The following CTNNA2 variants were observed in gnomAD, a reference collection of about 807,000 sequenced individuals.
CTNNA2 encodes the protein catenin alpha 2.
In CTNNA2, 42 loss-of-function variants were observed where a neutral mutation model predicts 101.0. That is an observed-to-expected ratio of 0.42 (90% CI 0.32 to 0.54). The LOEUF (loss-of-function observed/expected upper bound fraction) is 0.54, where lower values mean the gene tolerates loss of function less well. Ranked by LOEUF, CTNNA2 falls within the 20% of genes least tolerant of loss-of-function variation. CTNNA2 has a pLI of 0.14. For missense variants in CTNNA2, 871 were observed against 1,223.1 expected (o/e 0.71, Z 4.29); for synonymous variants, 450 against 456.4 (o/e 0.99, Z 0.18).
chr2:79,522,877 T>G (rs896682920), intron 1 of CTNNA2, among the ~76,000 whole-genome samples: 1 of 152,176 alleles, frequency 6.6e-6, no homozygotes, highest in Non-Finnish European at 1.5e-5. Context: ...AAGAACATGT[T>G]TTGTCTTTTG....
At chr2:79,675,129 G>A (rs1683096359) in intron 2 of CTNNA2, among the ~76,000 whole-genome samples, 1 of 152,126 alleles carries the variant, frequency 6.6e-6, no homozygotes, top group Non-Finnish European at 1.5e-5. Context: ...GATATAAAAT[G>A]TGGGAATACC....
intron 12 of CTNNA2, among the ~76,000 whole-genome samples, chr2:80,566,631 C>A (rs1047712580): frequency 6.6e-5 from 10 of 152,028 alleles, no homozygotes; most frequent in African/African-American, 2.4e-4. Flanking sequence ...CAATATGAAG[C>A]CATACAGTAT....
intron 3 of CTNNA2, among the ~76,000 whole-genome samples, chr2:79,315,701 A>G (rs1171406002): frequency 6.6e-6 from 1 of 152,160 alleles, no homozygotes; most frequent in Non-Finnish European, 1.5e-5. Context: ...TACTATGGAT[A>G]GTGCTACTAT....
intron 7 of CTNNA2, among the ~76,000 whole-genome samples, chr2:80,252,183 G>T (rs1045517322): frequency 6.6e-6 from 1 of 152,064 alleles, no homozygotes; most frequent in African/African-American, 2.4e-5. Flanking sequence ...TGAAGGAAAA[G>T]GATGAAGTCT....
intron 4 of CTNNA2, among the ~76,000 whole-genome samples, chr2:79,436,416 C>A (rs1262541160): frequency 1.3e-5 from 2 of 152,112 alleles, no homozygotes; most frequent in Non-Finnish European, 2.9e-5. Flanking sequence ...GCTAAATGTG[C>A]TGGGTAGGCT....
chr2:80,638,188 G>T (rs35791990), intron 18 of CTNNA2, among the ~76,000 whole-genome samples: 37 of 152,140 alleles, frequency 2.4e-4, no homozygotes, highest in Non-Finnish European at 3.8e-4. Context: ...TTAGCTCCTT[G>T]CATAATTATT....
chr2:80,638,536 C>T (rs151259571), intron 18 of CTNNA2, among the ~76,000 whole-genome samples: 20 of 152,222 alleles, frequency 1.3e-4, no homozygotes, highest in African/African-American at 4.1e-4. Context: ...GGCCCTGTTC[C>T]GAACTTTCCA....
chr2:80,237,592 A>G (rs1709613903), intron 7 of CTNNA2, among the ~76,000 whole-genome samples: 2 of 152,126 alleles, frequency 1.3e-5, no homozygotes, highest in Non-Finnish European at 2.9e-5. Context: ...CCAGGCCTTC[A>G]CAGTGGAAGG....
intron 7 of CTNNA2, among the ~76,000 whole-genome samples, chr2:80,220,942 CACAA>C (rs1340744855): frequency 2.6e-5 from 4 of 152,148 alleles, no homozygotes; most frequent in Non-Finnish European, 5.9e-5. Flanking sequence ...ATTGCAGTGG[CACAA>C]TCTCGGCTCA....
At chr2:80,039,397 T>A (rs4852170) in intron 7 of CTNNA2, among the ~76,000 whole-genome samples, 68,973 of 152,076 alleles carry the variant, frequency 0.45, 17,557 homozygotes, top group East Asian at 0.87. Flanking sequence ...CACGGGCAGT[T>A]ACTACCATTT....
intron 7 of CTNNA2, among the ~76,000 whole-genome samples, chr2:80,014,919 G>A (rs932334156): frequency 6.6e-6 from 1 of 152,196 alleles, no homozygotes; most frequent in Non-Finnish European, 1.5e-5. Context: ...TGGGGAAGGA[G>A]TATAATACTT....
intron 2 of CTNNA2, among the ~76,000 whole-genome samples, chr2:79,265,275 G>T (rs562916317): frequency 2.0e-5 from 3 of 152,292 alleles, no homozygotes; most frequent in Middle Eastern, 3.4e-3. Context: ...GGTGACTCCG[G>T]TGATTAGTGA....
At chr2:79,191,406 T>G (rs975825531) in intron 1 of CTNNA2, among the ~76,000 whole-genome samples, 2 of 152,166 alleles carry the variant, frequency 1.3e-5, no homozygotes, top group African/African-American at 4.8e-5. Context: ...GTGTTGACCT[T>G]GTAGAGCTCT....
At chr2:80,315,043 G>T (rs1032084786) in intron 7 of CTNNA2, among the ~76,000 whole-genome samples, 2 of 152,074 alleles carry the variant, frequency 1.3e-5, no homozygotes, top group Admixed American at 6.5e-5. Flanking sequence ...AAAATGAGTT[G>T]AATTATAAAA....
rs149473367 is a variant in CTNNA2, at chr2:80,346,474, C to A, written c.1057-46737C>A. ...GCACAAGCCATTCATGAGGGACCTG[C>A]CTTCATGATCCGAACACCTTCCACC... On this transcript the variant is annotated intron_variant, in intron 7 of 18. Transcript: ENST00000402739. 1.7e-3 allele frequency among the ~76,000 whole-genome samples: 253 copies of A among 152,326 alleles called. 1 individual carries two copies. Among genetic ancestry groups the A allele is most frequent in the Non-Finnish European group, 1.6e-3 (108 of 68,030 alleles).
chr2:79,608,096 A>C (rs1034362319), intron 1 of CTNNA2, among the ~76,000 whole-genome samples: 3 of 152,052 alleles, frequency 2.0e-5, no homozygotes, highest in Non-Finnish European at 4.4e-5. Context: ...CATCATGAAC[A>C]GGTCTTCAGG....
intron 7 of CTNNA2, among the ~76,000 whole-genome samples, chr2:80,340,593 A>G (rs914694074): frequency 6.6e-6 from 1 of 152,228 alleles, no homozygotes; most frequent in Non-Finnish European, 1.5e-5. Flanking sequence ...CCCTTTAGCC[A>G]TACAATGATG....
At chr2:80,308,913 A>T (rs1169640147) in intron 7 of CTNNA2, among the ~76,000 whole-genome samples, 1 of 151,924 alleles carries the variant, frequency 6.6e-6, no homozygotes, top group Non-Finnish European at 1.5e-5. Flanking sequence ...AACCTGTGAA[A>T]CCCCCTCTCT....
intron 7 of CTNNA2, among the ~76,000 whole-genome samples, chr2:79,976,371 G>C (rs146990077): frequency 7.2e-5 from 11 of 152,244 alleles, no homozygotes; most frequent in Middle Eastern, 3.4e-3. Context: ...AATTTCAATG[G>C]AATGTGATTC....
Sources: gnomAD v4.1 joint callset for allele counts (sites outside exome capture counted in the v4.1 genomes callset) on GRCh38, gnomAD v4.1.1 for gene constraint, MANE v1.5 for transcripts, NCBI Gene and HGNC (gene_info 2026-07-23, HGNC 2026-07-21) for gene names.